COBLL1: variants seen among roughly 807,000 people sequenced by gnomAD.
COBLL1 encodes cordon-bleu WH2 repeat protein like 1.
A neutral mutation model predicts 94.8 loss-of-function variants in COBLL1; 50 were observed. That is an observed-to-expected ratio of 0.53 (90% CI 0.42 to 0.67). The LOEUF is 0.67. Ranked by LOEUF, COBLL1 falls within the 30% of genes least tolerant of loss-of-function variation. The pLI, the probability that COBLL1 is intolerant of heterozygous loss-of-function variation, is 0.00. For synonymous variants in COBLL1, 448 were observed against 473.8 expected (o/e 0.95, Z 0.71); for missense variants, 1,362 against 1,348.7 (o/e 1.01, Z -0.15).
chr2:164,710,822 C>T (rs1684860048), intron 7 of COBLL1, among the ~76,000 whole-genome samples: 1 of 151,942 alleles, frequency 6.6e-6, no homozygotes, highest in Non-Finnish European at 1.5e-5. Flanking sequence ...CTCGGCCTCC[C>T]AAAGTGCTGA....
chr2:164,796,818 T>C (rs1339027848), intron 2 of COBLL1, among the ~76,000 whole-genome samples: 1 of 151,538 alleles, frequency 6.6e-6, no homozygotes, highest in Admixed American at 6.6e-5. Context: ...CTACAAAATA[T>C]TTAAAAATCA....
chr2:164,801,619 A>AT (rs200166132), intron 2 of COBLL1, among the ~76,000 whole-genome samples: 9 of 151,444 alleles, frequency 5.9e-5, no homozygotes, highest in South Asian at 2.1e-4. Flanking sequence ...GCCTATCTCA[A>AT]TTTTTTTTTA....
chr2:164,832,871 C>T (rs1322237874), intron 2 of COBLL1, among the ~76,000 whole-genome samples: 1 of 151,870 alleles, frequency 6.6e-6, no homozygotes, highest in Non-Finnish European at 1.5e-5. Context: ...AGGAGAAACC[C>T]CGTCTCTACT....
chr2:164,832,006 C>A (rs1683100127), intron 2 of COBLL1, among the ~76,000 whole-genome samples: 1 of 152,154 alleles, frequency 6.6e-6, no homozygotes, highest in Non-Finnish European at 1.5e-5. Context: ...TGTTTAGCAG[C>A]TCAATTTCCT....
chr2:164,839,949 A>G (rs1466590664), intron 2 of COBLL1, among the ~76,000 whole-genome samples: 1 of 152,240 alleles, frequency 6.6e-6, no homozygotes, highest in African/African-American at 2.4e-5. Context: ...TAATTAATAC[A>G]CTACATGTTT....
chr2:164,747,492 CT>C (rs759144071), intron 2 of COBLL1, among the ~76,000 whole-genome samples: 3 of 151,604 alleles, frequency 2.0e-5, no homozygotes, highest in Non-Finnish European at 4.4e-5. Context: ...TCACACAGAA[CT>C]TTTTTTTTAA....
chr2:164,730,717 C>G (rs1000600207), intron 3 of COBLL1, among the ~76,000 whole-genome samples: 1 of 152,020 alleles, frequency 6.6e-6, no homozygotes, highest in African/African-American at 2.4e-5. Context: ...CTTTCCTTAC[C>G]CAAGAGCAGT....
intron 2 of COBLL1, among the ~76,000 whole-genome samples, chr2:164,822,736 A>G (rs1351927638): frequency 2.7e-4 from 3 of 11,048 alleles, no homozygotes; most frequent in African/African-American, 1.8e-3. Context: ...ATTATATTAT[A>G]TTATTATTAT....
Position 164,841,764 on chromosome 2 carries a change from C to T in COBLL1, c.-105G>A. On this transcript the variant is annotated 5_prime_UTR_variant, in exon 1 of 14. Coordinates refer to ENST00000652658, the MANE Select transcript of COBLL1 (RefSeq NM_001365672.2). The surrounding 1 kb of genome is among the most constrained non-coding windows in gnomAD (Gnocchi z 5.5). ...CTGTTCTCCCTCGCGGCTTCCTCTC[C>T]TACTCTTCCCTTCCCCGGCCCGCGC... 1.8e-6 allele frequency: 1 copy of T among 554,780 alleles called. No homozygotes were observed. Among genetic ancestry groups the T allele is most frequent in the Admixed American group, 3.5e-5 (1 of 28,646 alleles). 34.4% of individuals were successfully genotyped at this position (554,780 alleles called of 1,614,324 possible). A position where few individuals can be genotyped will look rare whatever the true frequency, so the allele number is the denominator to read the frequency against.
Position 164,681,068 on chromosome 2 carries a change from A to G in COBLL1, c.*4878T>C, listed in dbSNP as rs148789853. 1.3e-5 allele frequency: 2 copies of G among 152,316 alleles called. No homozygotes were observed. The highest frequency in any genetic ancestry group is 4.8e-5 in the African/African-American group (2 of 41,568). The allele number at this position is 152,316 out of a possible 1,614,324, so 9.4% of individuals were successfully genotyped here. ...AAGTCATCTGTGAGATTCTGGAGGA[A>G]ACAGCGTTGTGGAACTGAACAGACT... On this transcript the variant is annotated 3_prime_UTR_variant, in exon 14 of 14. Transcript: ENST00000652658.
chr2:164,768,313 A>T (rs1450299029), intron 2 of COBLL1, among the ~76,000 whole-genome samples: 3 of 152,178 alleles, frequency 2.0e-5, no homozygotes, highest in African/African-American at 4.8e-5. Context: ...ATAATAATCT[A>T]AGCCAAGCTT....
Position 164,693,152 on chromosome 2 carries a change from CTT to C in COBLL1, c.3124-757_3124-756del, listed in dbSNP as rs140602065. ...GAGCCAAACAGGGCTCAGGCAATGACTTAAAAGCTTTATTATCTAAACCAAGC... is the reference window on the plus strand; with the variant it reads ...GAGCCAAACAGGGCTCAGGCAATGACAAAAGCTTTATTATCTAAACCAAGC... On this transcript the variant is annotated intron_variant, in intron 12 of 13. Transcript: ENST00000652658. 5.3e-3 allele frequency among the ~76,000 whole-genome samples: 806 copies of C among 152,204 alleles called. 19 individuals are homozygous for C. In the East Asian group the frequency reaches 0.091, roughly 17 times the overall value.
chr2:164,665,445 G>A (rs956348718), intron 2 of COBLL1, among the ~76,000 whole-genome samples: 1 of 150,494 alleles, frequency 6.6e-6, no homozygotes, highest in Non-Finnish European at 1.5e-5. Context: ...AAAGAGTAAC[G>A]TAAGTGTCTA....
intron 2 of COBLL1, among the ~76,000 whole-genome samples, chr2:164,820,010 T>A (rs978319867): frequency 6.6e-6 from 1 of 151,112 alleles, no homozygotes; most frequent in Non-Finnish European, 1.5e-5. Flanking sequence ...TTTTTTTAAT[T>A]TTTAGTAGAG....
chr2:164,835,137 C>T (rs781248121), intron 2 of COBLL1, among the ~76,000 whole-genome samples: 57 of 152,044 alleles, frequency 3.7e-4, no homozygotes, highest in Admixed American at 1.1e-3. Context: ...AATAAAACTG[C>T]TATATGATCC....
At chr2:164,709,322 C>G (rs562215246) in intron 7 of COBLL1, among the ~76,000 whole-genome samples, 1 of 152,136 alleles carries the variant, frequency 6.6e-6, no homozygotes, top group Non-Finnish European at 1.5e-5. Flanking sequence ...TTTTACAACC[C>G]TATTCTGTGA....
At chr2:164,768,439 C>T (rs940874393) in intron 2 of COBLL1, among the ~76,000 whole-genome samples, 1 of 151,822 alleles carries the variant, frequency 6.6e-6, no homozygotes, top group African/African-American at 2.4e-5. Context: ...AGCATATCAG[C>T]TACTGTTAGT....
chr2:164,740,276 T>C (rs1456529948), intron 3 of COBLL1, among the ~76,000 whole-genome samples: 3 of 152,058 alleles, frequency 2.0e-5, no homozygotes, highest in Admixed American at 6.6e-5. Context: ...GGTGGGAAGA[T>C]TGCTTGAGTC....
chr2:164,842,002 C>G (rs1417943209), upstream of COBLL1: 1 of 1,540,206 alleles, frequency 6.5e-7, no homozygotes, highest in Non-Finnish European at 8.7e-7. Flanking sequence ...GCCGCCGCCT[C>G]TGCAGCACGG....
Sources: gnomAD v4.1 joint callset for allele counts (sites outside exome capture counted in the v4.1 genomes callset) on GRCh38, gnomAD v4.1.1 for gene constraint, Gnocchi (gnomAD v3.1) non-coding constraint, MANE v1.5 for transcripts, NCBI Gene and HGNC (gene_info 2026-07-23, HGNC 2026-07-21) for gene names.